Variants in TOM1L1 observed in about 807,000 individuals in gnomAD.
TOM1L1 encodes target of myb1 like 1 membrane trafficking protein, also known as TOM1-like protein 1.
TOM1L1 carries 64 observed loss-of-function variants against 63.4 expected under a neutral mutation model. The ratio of observed to expected loss-of-function variants is 1.01; its 90% CI spans 0.83 to 1.24. TOM1L1 has a LOEUF of 1.24. Among genes scored for constraint, TOM1L1 ranks in the 50% most tolerant of loss-of-function variants. The pLI is 0.00. For missense variants in TOM1L1, 536 were observed against 567.0 expected, an observed-to-expected ratio of 0.95 and a Z score of 0.55; for synonymous variants, 166 against 194.4, an observed-to-expected ratio of 0.85 and a Z score of 1.22.
At chr17:54,948,518 T>G (rs2143952437) in intron 12 of TOM1L1, among the ~76,000 whole-genome samples, 1 of 152,292 alleles carries the variant, frequency 6.6e-6, no homozygotes, top group East Asian at 1.9e-4. Context: ...CAAGACTCAC[T>G]TTAGTCAGGC....
chr17:54,950,179 A>G (rs1242001944), intron 14 of TOM1L1, 53 bp downstream of exon 14: 4 of 1,408,482 alleles, frequency 2.8e-6, no homozygotes, highest in Non-Finnish European at 4.0e-6. Context: ...TCCCTTTGAT[A>G]GCAGAGCTAA....
chr17:54,901,464 A>T (rs1289358810), intron 1 of TOM1L1, among the ~76,000 whole-genome samples: 1 of 152,098 alleles, frequency 6.6e-6, no homozygotes, highest in African/African-American at 2.4e-5. Flanking sequence ...TGGAGTGAAG[A>T]GGAGGGGAAC....
intron 6 of TOM1L1, 152 bp from the exon 7 acceptor site, chr17:54,915,594 A>C (rs893145707): frequency 4.3e-6 from 2 of 463,034 alleles, no homozygotes; most frequent in Non-Finnish European, 7.5e-6. Context: ...TAAAATAACT[A>C]TATGTATATT....
intron 1 of TOM1L1, chr17:54,901,262 C>G (rs1009012436): frequency 2.6e-6 from 1 of 383,510 alleles, no homozygotes; most frequent in African/African-American, 2.0e-5. Context: ...GAAGTTATTC[C>G]TAAAGGCACA....
chr17:54,905,695 A>G (rs1018092681), intron 3 of TOM1L1, 128 bp downstream of exon 3: 4 of 603,408 alleles, frequency 6.6e-6, no homozygotes, highest in Admixed American at 3.3e-5. Context: ...AGTTGTGTAC[A>G]GTATGACTTA....
At chr17:54,950,646 T>C (rs2049208016) in intron 14 of TOM1L1, among the ~76,000 whole-genome samples, 1 of 152,210 alleles carries the variant, frequency 6.6e-6, no homozygotes, top group African/African-American at 2.4e-5. Context: ...GGTAAGGTCA[T>C]AAGAACTTTA....
intron 8 of TOM1L1, among the ~76,000 whole-genome samples, chr17:54,930,703 A>G (rs1318724919): frequency 6.6e-6 from 1 of 152,082 alleles, no homozygotes; most frequent in Non-Finnish European, 1.5e-5. Context: ...TTAGCTGGGC[A>G]TGGTCGCGCA....
intron 14 of TOM1L1, among the ~76,000 whole-genome samples, chr17:54,956,489 G>A (rs1366377841): frequency 9.2e-5 from 14 of 152,082 alleles, no homozygotes; most frequent in Non-Finnish European, 2.1e-4. Flanking sequence ...TGTATATTTA[G>A]TAGAGACAGG....
intron 8 of TOM1L1, 39 bp from the exon 9 acceptor site, chr17:54,936,610 A>AT (rs34711795): frequency 2.7e-5 from 42 of 1,531,376 alleles, no homozygotes; most frequent in South Asian, 9.7e-5. Context: ...ATTTTCATAT[A>AT]TTTTTTTAAA....
At chr17:54,932,548 G>C (rs2048881170) in intron 8 of TOM1L1, among the ~76,000 whole-genome samples, 1 of 152,090 alleles carries the variant, frequency 6.6e-6, no homozygotes, top group East Asian at 1.9e-4. Flanking sequence ...AGCCTCCCAA[G>C]TAGCTGGGAT....
chr17:54,943,957 GA>G (rs2049074981), intron 11 of TOM1L1, among the ~76,000 whole-genome samples: 1 of 151,208 alleles, frequency 6.6e-6, no homozygotes, highest in Non-Finnish European at 1.5e-5. Flanking sequence ...CAGCCTGAGT[GA>G]CAGAAAGAGA....
chr17:54,938,927 T>C lies in TOM1L1; in HGVS notation c.1037T>C (p.Phe346Ser). ...ACAAGTCCATTTTGTGTTTTAGATT[T>C]CAGCCTTCCAAGTTCTGATGTAACA... ...TMNNQLSGLNFSLPSSDVTNN... is the reference protein window; with the variant it reads ...TMNNQLSGLNSSLPSSDVTNN... Residue 346 changes from phenylalanine to serine, a missense_variant, in exon 11 of 16, where the codon TTC becomes TCC. Phe to Ser is a radical substitution (Grantham distance 155). Transcript: ENST00000575882. 1 of 1,606,116 alleles carries C rather than the reference T, an allele frequency of 6.2e-7. No homozygotes were observed. Among genetic ancestry groups the C allele is most frequent in the Non-Finnish European group, 8.5e-7 (1 of 1,175,028 alleles).
chr17:54,926,120 G>C (rs1253430328), intron 7 of TOM1L1, among the ~76,000 whole-genome samples: 3 of 152,174 alleles, frequency 2.0e-5, no homozygotes, highest in Admixed American at 6.5e-5. Context: ...TACTAACTAA[G>C]AGGGTCTTGC....
rs1459514897 is a variant in TOM1L1 at position 54,905,473 on chromosome 17, G to A, written c.144-16G>A. ...CAATGCCTAAATTGGTGATTTCAGT[G>A]TATTTATTGCTATAGGCCAAAAGAT... On this transcript the variant is annotated splice_polypyrimidine_tract_variant and intron_variant, in intron 2 of 15. Transcript: ENST00000575882. 6.3e-7 allele frequency: 1 copy of A among 1,576,020 alleles called. No individual in the cohort carries two copies. The highest frequency in any genetic ancestry group is 1.1e-5 in the South Asian group (1 of 87,686).
chr17:54,944,310 C>T (rs1006669734), intron 11 of TOM1L1, among the ~76,000 whole-genome samples: 3 of 151,764 alleles, frequency 2.0e-5, no homozygotes, highest in Admixed American at 1.3e-4. Context: ...ATTAGCCGGG[C>T]GTGGTGGTGC....
At chr17:54,913,198 G>C (rs1008399484) in intron 4 of TOM1L1, among the ~76,000 whole-genome samples, 8 of 152,130 alleles carry the variant, frequency 5.3e-5, no homozygotes, top group African/African-American at 1.9e-4. Flanking sequence ...ACAATTGATA[G>C]TATATATCCT....
Position 54,960,597 on chromosome 17 carries a change from C to T in TOM1L1, c.1402C>T (p.His468Tyr). The T allele has an allele frequency of 6.2e-7, 1 of 1,613,024 alleles. No homozygotes were observed. The highest frequency in any genetic ancestry group is 8.5e-7 in the Non-Finnish European group (1 of 1,179,480). ...AIYEEIDAHQ[H>Y]KGAQNDGD ...TTATGAAGAAATTGATGCTCACCAG[C>T]ACAAAGGAGCTCAAAATGATGGTGA... is the stretch of plus-strand genomic sequence containing the variant. The change falls in exon 15 of 16, where the codon CAC (histidine) becomes TAC (tyrosine). Residue 468 changes from histidine (H) to tyrosine (Y), a missense_variant. His to Tyr is a moderately conservative substitution (Grantham distance 83). Transcript: ENST00000575882.
rs58407367 is a variant in TOM1L1 at position 54,949,203 on chromosome 17, A to AT, written c.1183-299dup. Among the ~76,000 whole-genome samples, 776 of 122,264 alleles carry AT rather than the reference A, an allele frequency of 6.3e-3. 16 individuals carry two copies. The highest frequency in any genetic ancestry group is 0.012 in the Middle Eastern group (3 of 250). 80.2% of individuals were successfully genotyped at this position (122,264 alleles called of 152,430 possible). A position where few individuals can be genotyped will look rare whatever the true frequency, so the allele number is the denominator to read the frequency against. On this transcript the variant is annotated intron_variant, in intron 12 of 15. Coordinates refer to ENST00000575882, the MANE Select transcript of TOM1L1 (RefSeq NM_005486.3). ...CAGGTGTGAGCCACCATGCCCAGCT[A>AT]TTTTTTTTTTTTTTTTGTAGAGTTG...
intron 7 of TOM1L1, among the ~76,000 whole-genome samples, chr17:54,920,582 C>T (rs982102429): frequency 2.6e-5 from 4 of 152,134 alleles, no homozygotes; most frequent in African/African-American, 9.7e-5. Flanking sequence ...TGAAAGAGAC[C>T]CCTCCAAAGG....
Sources: gnomAD v4.1 joint callset for allele counts (sites outside exome capture counted in the v4.1 genomes callset) on GRCh38, gnomAD v4.1.1 for gene constraint, MANE v1.5 for transcripts, NCBI Gene and HGNC (gene_info 2026-07-23, HGNC 2026-07-21) for gene names.